The following HSD17B3 variants were observed in gnomAD, a reference collection of about 807,000 sequenced individuals.
HSD17B3 encodes the protein hydroxysteroid 17-beta dehydrogenase 3, also known as 17-beta-hydroxysteroid dehydrogenase type 3.
Under a neutral mutation model 41.1 loss-of-function variants are expected in HSD17B3, and 29 were observed. The observed-to-expected ratio is 0.71, with a 90% CI of 0.53 to 0.96. The LOEUF (loss-of-function observed/expected upper bound fraction) is 0.96. Ranked by LOEUF, HSD17B3 falls within the 40% of genes least tolerant of loss-of-function variation. HSD17B3 has a pLI of 0.00. For missense variants in HSD17B3, 323 were observed against 374.6 expected, an observed-to-expected ratio of 0.86 and a Z score of 1.14; for synonymous variants, 126 against 145.6, an observed-to-expected ratio of 0.87 and a Z score of 0.97.
chr9:96,269,875 G>C (rs1826174140), intron 2 of HSD17B3, among the ~76,000 whole-genome samples: 2 of 141,294 alleles, frequency 1.4e-5, no homozygotes, highest in African/African-American at 5.4e-5. Flanking sequence ...CTGCACTCCA[G>C]CCTGGGTGAC....
intron 7 of HSD17B3, 159 bp downstream of exon 7, chr9:96,246,397 G>A (rs868393377): frequency 1.1e-4 from 81 of 726,202 alleles, no homozygotes; most frequent in African/African-American, 1.1e-3. Flanking sequence ...GGCCCAGAAC[G>A]TTATGTTTTT....
rs1359243413 is a variant in HSD17B3 at position 96,249,786 on chromosome 9, T to C, written c.454A>G (p.Ser152Gly). ...GAGGTGATGTTACAATGGATGAGGC[T>C]CTGTAATAAATAATCACAACCACAC... ...HFLNAPDEIQ[S>G]LIHCNITSVV... The change falls in exon 6 of 11, where the codon AGC becomes GGC. Residue 152 changes from serine to glycine, a missense_variant and splice_region_variant. By Grantham distance (56) the Ser-to-Gly change is moderately conservative. Transcript: ENST00000375263. 6.2e-7 allele frequency: 1 copy of C among 1,613,978 alleles called. No individual in the cohort carries two copies. The highest frequency in any genetic ancestry group is 1.7e-5 in the Admixed American group (1 of 60,008).
intron 1 of HSD17B3, among the ~76,000 whole-genome samples, chr9:96,300,509 G>A (rs527751816): frequency 4.2e-5 from 6 of 141,312 alleles, no homozygotes; most frequent in Non-Finnish European, 6.1e-5. Context: ...TGGGTATCCT[G>A]TATTTTATCT....
rs370762703 is a variant in HSD17B3, at chr9:96,298,412, T to C, written c.201+4A>G. 3.0e-5 allele frequency: 48 copies of C among 1,612,232 alleles called. No individual in the cohort carries two copies. Among genetic ancestry groups the C allele is most frequent in the Non-Finnish European group, 3.6e-5 (43 of 1,178,362 alleles). ...AGGAGAAAGTCCCCAGGAAGATAGC[T>C]TACCTCGAACGAGTACGCTTTCCCA... On this transcript the variant is annotated splice_donor_region_variant and intron_variant, in intron 2 of 10. Transcript: ENST00000375263.
chr9:96,250,752 G>C (rs763409822), intron 5 of HSD17B3, among the ~76,000 whole-genome samples: 4 of 152,130 alleles, frequency 2.6e-5, no homozygotes, highest in Middle Eastern at 3.4e-3. Flanking sequence ...GCTGGGCGTG[G>C]TGGCAGGCGC....
chr9:96,283,552 G>A (rs1420354111), intron 2 of HSD17B3, among the ~76,000 whole-genome samples: 2 of 152,164 alleles, frequency 1.3e-5, no homozygotes, highest in East Asian at 3.9e-4. Flanking sequence ...GTGGCTTTCT[G>A]TGTTCCAAAA....
At chr9:96,279,862 C>A (rs1184484266) in intron 2 of HSD17B3, among the ~76,000 whole-genome samples, 1 of 151,962 alleles carries the variant, frequency 6.6e-6, no homozygotes, top group Non-Finnish European at 1.5e-5. Flanking sequence ...CTCCGCCTCC[C>A]AGGTTCACGC....
chr9:96,248,542 C>A (rs1836764569), intron 6 of HSD17B3, among the ~76,000 whole-genome samples: 1 of 152,198 alleles, frequency 6.6e-6, no homozygotes, highest in South Asian at 2.1e-4. Context: ...CTTATCACTG[C>A]AGTCCTACTG....
At chr9:96,279,225 C>A (rs538403432) in intron 2 of HSD17B3, among the ~76,000 whole-genome samples, 1 of 152,150 alleles carries the variant, frequency 6.6e-6, no homozygotes, top group Non-Finnish European at 1.5e-5. Context: ...GGAGGTCCTG[C>A]GAACATATAC....
At position 96,245,443 on chromosome 9, in the gene HSD17B3, C is replaced by A; in HGVS notation, c.525-17G>T. 6.2e-7 allele frequency: 1 copy of A among 1,602,020 alleles called. No individual in the cohort carries two copies. Among genetic ancestry groups the A allele is most frequent in the Non-Finnish European group, 8.6e-7 (1 of 1,169,002 alleles). On this transcript the variant is annotated splice_polypyrimidine_tract_variant and intron_variant, in intron 7 of 10. Transcript: ENST00000375263. The stretch of plus-strand genomic sequence containing the variant: ...CCTTTCTGCCTGAAAGGCAAAGAAG[C>A]AAAGTTCCCATGGCTTTGTTGCCCT...
chr9:96,249,495 C>G lies in HSD17B3; in HGVS notation c.489+256G>C, dbSNP rs545290803. 1.3e-4 allele frequency: 70 copies of G among 550,292 alleles called. 1 individual carries two copies. The South Asian group carries it at 1.6e-3, about 13-fold the overall frequency. 34.1% of individuals were successfully genotyped at this position (550,292 alleles called of 1,614,324 possible). A position where few individuals can be genotyped will look rare whatever the true frequency, so the allele number is the denominator to read the frequency against. ...CTGAATACGTTTCAGCATCATCGAG[C>G]TTAGTATGTTCCAACGTGTGACAAA... On this transcript the variant is annotated intron_variant, in intron 6 of 10. Coordinates refer to ENST00000375263, the MANE Select transcript of HSD17B3 (RefSeq NM_000197.2).
Position 96,282,205 on chromosome 9 carries a change from G to A in HSD17B3, c.201+16211C>T, listed in dbSNP as rs116978691. On this transcript the variant is annotated intron_variant, in intron 2 of 10. Transcript: ENST00000375263. ...GTGGCCTGGGTTCAAGGTTTGATTC[G>A]TGTCTTAGGGATGAGTCCTTTATTC... 8.4e-3 allele frequency among the ~76,000 whole-genome samples: 1,280 copies of A among 152,186 alleles called. 29 individuals carry two copies. The highest frequency in any genetic ancestry group is 0.062 in the South Asian group (300 of 4,812).
intron 2 of HSD17B3, among the ~76,000 whole-genome samples, chr9:96,297,341 CTTTTTTTTTT>C (rs71368242): frequency 2.7e-5 from 2 of 73,576 alleles, no homozygotes; most frequent in Non-Finnish European, 5.1e-5. Context: ...TTATTGATTT[CTTTTTTTTTT>C]TTTTTTTTTT....
intron 2 of HSD17B3, among the ~76,000 whole-genome samples, chr9:96,279,036 G>T (rs923902131): frequency 3.9e-5 from 6 of 152,176 alleles, no homozygotes; most frequent in Admixed American, 3.9e-4. Context: ...TAAATCACAT[G>T]GCAGAATCCT....
chr9:96,256,222 GT>G (rs1825651097), intron 2 of HSD17B3: 1 of 152,218 alleles, frequency 6.6e-6, no homozygotes, highest in Non-Finnish European at 1.5e-5. Flanking sequence ...TAACAAAAAT[GT>G]GGAATACTTT....
intron 9 of HSD17B3, 119 bp from the exon 10 acceptor site, chr9:96,241,026 T>C: frequency 8.1e-7 from 1 of 1,236,964 alleles, no homozygotes; most frequent in South Asian, 1.3e-5. Flanking sequence ...TAGGCAAAGT[T>C]TTAAGATCTT....
intron 9 of HSD17B3, among the ~76,000 whole-genome samples, chr9:96,241,957 C>CAGAAAAAGAA (rs1324128862): frequency 8.7e-6 from 1 of 115,206 alleles, no homozygotes; most frequent in Non-Finnish European, 1.8e-5. Context: ...AAGAAAAGAA[C>CAGAAAAAGAA]AGAAAAAGAA....
intron 2 of HSD17B3, among the ~76,000 whole-genome samples, chr9:96,280,778 G>A (rs1179977640): frequency 6.6e-6 from 1 of 152,154 alleles, no homozygotes; most frequent in East Asian, 1.9e-4. Context: ...AGACCTTGCT[G>A]ATAAAACAGC....
At chr9:96,269,774 G>A (rs1021209609) in intron 2 of HSD17B3, among the ~76,000 whole-genome samples, 2 of 151,942 alleles carry the variant, frequency 1.3e-5, no homozygotes, top group African/African-American at 4.8e-5. Context: ...CATGATGGCA[G>A]GTACCTGTAA....
Sources: gnomAD v4.1 joint callset for allele counts (sites outside exome capture counted in the v4.1 genomes callset) on GRCh38, gnomAD v4.1.1 for gene constraint, MANE v1.5 for transcripts, NCBI Gene and HGNC (gene_info 2026-07-23, HGNC 2026-07-21) for gene names.